SOX21: variants seen among roughly 807,000 people sequenced by gnomAD.
SOX21 encodes SRY-box transcription factor 21.
For missense variants in SOX21, 370 were observed against 388.8 expected, an observed-to-expected ratio of 0.95 and a Z score of 0.41; for synonymous variants, 237 against 189.7, an observed-to-expected ratio of 1.25 and a Z score of -2.05.
Position 94,711,274 on chromosome 13 carries a change from C to G in SOX21, c.776G>C (p.Gly259Ala). The change falls in exon 1 of 1, where the codon GGC (glycine) becomes GCC (alanine). Residue 259 changes from glycine (G) to alanine (A), a missense_variant. Coordinates refer to ENST00000376945, the MANE Select transcript of SOX21 (RefSeq NM_007084.4). ...GGGGTCCAGCTGGGGCTTGCCCATGCCCGGCAGCAGGATGTAGGCGAGCGG... is the reference window on the plus strand; with the variant it reads ...GGGGTCCAGCTGGGGCTTGCCCATGGCCGGCAGCAGGATGTAGGCGAGCGG... ...QPPLAYILLP[G>A]MGKPQLDPYP... The G allele has an allele frequency of 7.2e-7, 1 of 1,383,432 alleles. No homozygotes were observed. 85.7% of individuals were successfully genotyped at this position (1,383,432 alleles called of 1,614,324 possible). A position where few individuals can be genotyped will look rare whatever the true frequency, so the allele number is the denominator to read the frequency against.
rs764288521 is a variant in SOX21, at chr13:94,711,312, G to C, written c.738C>G (p.Pro246=). The C allele has an allele frequency of 6.8e-6, 9 of 1,325,952 alleles. No individual in the cohort carries two copies. Among genetic ancestry groups the C allele is most frequent in the Non-Finnish European group, 7.7e-6 (8 of 1,043,546 alleles). 82.1% of individuals were successfully genotyped at this position (1,325,952 alleles called of 1,614,324 possible). A position where few individuals can be genotyped will look rare whatever the true frequency, so the allele number is the denominator to read the frequency against. ...TGTAGGCGAGCGGCGGCTGCAGCCC[G>C]GGGCTGGGCCACGCGCTGCAGTTGC... ...IPCNCSAWPS[P]GLQPPLAYIL... is the part of the protein sequence containing the mutation. Residue 246 remains proline, a synonymous_variant, in exon 1 of 1, where the codon CCC becomes CCG. Transcript: ENST00000376945.
chr13:94,711,418 G>A lies in SOX21; in HGVS notation c.632C>T (p.Ala211Val), dbSNP rs1245617059. The A allele has an allele frequency of 1.1e-5, 8 of 726,780 alleles. No homozygotes were observed. The highest frequency in any genetic ancestry group is 1.4e-5 in the Non-Finnish European group (8 of 587,514). The allele number at this position is 726,780 out of a possible 1,614,324, so 45.0% of individuals were successfully genotyped here. A position where few individuals can be genotyped will look rare whatever the true frequency, so the allele number is the denominator to read the frequency against. The change falls in exon 1 of 1, where the codon GCG becomes GTG. Residue 211 changes from alanine to valine, a missense_variant. Transcript: ENST00000376945. ...GAGAFHGAAA[A>V]AAAAAAAAGG... Reference sequence around the variant, plus strand: ...GGCGGCGGCGGCCGCCGCTGCAGCCGCCGCCGCCGCGCCGTGGAAGGCGCC... The same window carrying A: ...GGCGGCGGCGGCCGCCGCTGCAGCCACCGCCGCCGCGCCGTGGAAGGCGCC...
Position 94,712,537 on chromosome 13 carries a change from G to A in SOX21, c.-488C>T. ...GTGCCAAAGGGGGCTCTCAGCGGCTGGAGTGTTTGGGTTCTCCTCGGTGAC... is the reference window on the plus strand; with the variant it reads ...GTGCCAAAGGGGGCTCTCAGCGGCTAGAGTGTTTGGGTTCTCCTCGGTGAC... On this transcript the variant is annotated 5_prime_UTR_variant, in exon 1 of 1. Coordinates refer to ENST00000376945, the MANE Select transcript of SOX21 (RefSeq NM_007084.4). The surrounding 1 kb of genome is among the most constrained non-coding windows in gnomAD (Gnocchi z 5.0). The A allele has an allele frequency of 1.0e-6, 1 of 987,272 alleles. No homozygotes were observed. Among genetic ancestry groups the A allele is most frequent in the South Asian group, 4.7e-5 (1 of 21,296 alleles). 61.2% of individuals were successfully genotyped at this position (987,272 alleles called of 1,614,324 possible).
In SOX21 at chr13:94,712,376, C is replaced by T. The variant is rs1375943654; in HGVS notation, c.-327G>A. On this transcript the variant is annotated 5_prime_UTR_variant, in exon 1 of 1. Transcript: ENST00000376945. This position sits in a 1 kb window ranked among gnomAD's most constrained non-coding sequence, Gnocchi z 5.0. ...CTGCAGTGGCGTTTGCTGGTGAGCTCCCCGCAGGTAGCGGCGGCCGGGCAG... is the reference window on the plus strand; with the variant it reads ...CTGCAGTGGCGTTTGCTGGTGAGCTTCCCGCAGGTAGCGGCGGCCGGGCAG... The T allele has an allele frequency of 2.9e-6, 3 of 1,041,708 alleles. No individual in the cohort carries two copies. The African/African-American group carries it at 5.1e-5, about 18-fold the overall frequency. 64.5% of individuals were successfully genotyped at this position (1,041,708 alleles called of 1,614,324 possible). A position where few individuals can be genotyped will look rare whatever the true frequency, so the allele number is the denominator to read the frequency against.
rs769011901 is a variant in SOX21 at position 94,711,567 on chromosome 13, G to T, written c.483C>A (p.Ala161=). The part of the protein sequence containing the change: ...PQSAAAAAAA[A]AAAAAGSPYS... ...AGGGGCTGCCCGCGGCGGCGGCGGCGGCGGCAGCGGCGGCGGCAGCGGCCG... is the reference window on the plus strand; with the variant it reads ...AGGGGCTGCCCGCGGCGGCGGCGGCTGCGGCAGCGGCGGCGGCAGCGGCCG... Residue 161 remains alanine (A), a synonymous_variant, in exon 1 of 1, where the codon GCC becomes GCA. Transcript: ENST00000376945. The T allele has an allele frequency of 2.1e-5, 21 of 999,004 alleles. No individual in the cohort carries two copies. The South Asian group carries it at 6.5e-4, about 31-fold the overall frequency. 61.9% of individuals were successfully genotyped at this position (999,004 alleles called of 1,614,324 possible). A position where few individuals can be genotyped will look rare whatever the true frequency, so the allele number is the denominator to read the frequency against.
Position 94,712,174 on chromosome 13 carries a change from C to T in SOX21, c.-125G>A, listed in dbSNP as rs1049768784. 6 of 1,385,498 alleles carry T rather than the reference C, an allele frequency of 4.3e-6. No homozygotes were observed. The highest frequency in any genetic ancestry group is 3.0e-5 in the East Asian group (1 of 33,628). The allele number at this position is 1,385,498 out of a possible 1,614,324, so 85.8% of individuals were successfully genotyped here. On this transcript the variant is annotated 5_prime_UTR_variant, in exon 1 of 1. Transcript: ENST00000376945. The surrounding 1 kb of genome is among the most constrained non-coding windows in gnomAD (Gnocchi z 5.0). ...GCCGGGGCTCGTCGCGCCCCGGCGTCGCTCCCGCCCCGGAGGAGGGGGCTG... is the reference window on the plus strand; with the variant it reads ...GCCGGGGCTCGTCGCGCCCCGGCGTTGCTCCCGCCCCGGAGGAGGGGGCTG...
chr13:94,712,123 G>T lies in SOX21; in HGVS notation c.-74C>A, dbSNP rs1307043050. On this transcript the variant is annotated 5_prime_UTR_variant, in exon 1 of 1. Coordinates refer to ENST00000376945, the MANE Select transcript of SOX21 (RefSeq NM_007084.4). This position sits in a 1 kb window ranked among gnomAD's most constrained non-coding sequence, Gnocchi z 5.0. ...CTCGGCCCGGAGGAAATCAATGTTG[G>T]CTGCCCGCGGAGACCCGCTCGGCCG... 1 of 1,516,416 alleles carries T rather than the reference G, an allele frequency of 6.6e-7. No homozygotes were observed. Among genetic ancestry groups the T allele is most frequent in the Non-Finnish European group, 8.8e-7 (1 of 1,134,488 alleles). The allele number at this position is 1,516,416 out of a possible 1,614,324, so 93.9% of individuals were successfully genotyped here.
Position 94,711,447 on chromosome 13 carries a change from G to T in SOX21, c.603C>A (p.Gly201=). Residue 201 remains glycine (G), a synonymous_variant, in exon 1 of 1, where the codon GGC becomes GGA. Coordinates refer to ENST00000376945, the MANE Select transcript of SOX21 (RefSeq NM_007084.4). ...YASSLGYPTA[G]AGAFHGAAAA... is the part of the protein sequence containing the mutation. ...CCGCCGCGCCGTGGAAGGCGCCCGC[G>T]CCCGCGGTCGGGTAGCCCAGCGACG... is the stretch of plus-strand genomic sequence containing the variant. 1 of 1,069,500 alleles carries T rather than the reference G, an allele frequency of 9.4e-7. No individual in the cohort carries two copies. The highest frequency in any genetic ancestry group is 4.3e-5 in the South Asian group (1 of 23,506). 66.3% of individuals were successfully genotyped at this position (1,069,500 alleles called of 1,614,324 possible). A position where few individuals can be genotyped will look rare whatever the true frequency, so the allele number is the denominator to read the frequency against.
Position 94,711,442 on chromosome 13 carries a change from C to T in SOX21, c.608G>A (p.Gly203Asp). 3.0e-6 allele frequency: 3 copies of T among 1,003,324 alleles called. No individual in the cohort carries two copies. The highest frequency in any genetic ancestry group is 3.6e-6 in the Non-Finnish European group (3 of 834,264). The allele number at this position is 1,003,324 out of a possible 1,614,324, so 62.2% of individuals were successfully genotyped here. The change falls in exon 1 of 1, where the codon GGC (glycine) becomes GAC (aspartate). Residue 203 changes from glycine (G) to aspartate (D), a missense_variant. Physicochemically the swap from Gly to Asp is moderately conservative, Grantham distance 94. Transcript: ENST00000376945. Reference protein sequence around the residue: ...SSLGYPTAGAGAFHGAAAAAA... With the variant: ...SSLGYPTAGADAFHGAAAAAA... ...CGCCGCCGCCGCGCCGTGGAAGGCG[C>T]CCGCGCCCGCGGTCGGGTAGCCCAG...
chr13:94,711,276 C>G lies in SOX21; in HGVS notation c.774G>C (p.Pro258=), dbSNP rs763377265. ...LQPPLAYILL[P]GMGKPQLDPY... is the part of the protein sequence containing the mutation. ...GGTCCAGCTGGGGCTTGCCCATGCC[C>G]GGCAGCAGGATGTAGGCGAGCGGCG... Residue 258 remains proline, a synonymous_variant, in exon 1 of 1, where the codon CCG becomes CCC. Transcript: ENST00000376945. 1 of 1,383,090 alleles carries G rather than the reference C, an allele frequency of 7.2e-7. No homozygotes were observed. Among genetic ancestry groups the G allele is most frequent in the Non-Finnish European group, 9.3e-7 (1 of 1,073,236 alleles). 85.7% of individuals were successfully genotyped at this position (1,383,090 alleles called of 1,614,324 possible). A position where few individuals can be genotyped will look rare whatever the true frequency, so the allele number is the denominator to read the frequency against.
Position 94,711,801 on chromosome 13 carries a change from G to A in SOX21, c.249C>T (p.Pro83=). 2 of 1,613,784 alleles carry A rather than the reference G, an allele frequency of 1.2e-6. No individual in the cohort carries two copies. The highest frequency in any genetic ancestry group is 1.7e-6 in the Non-Finnish European group (2 of 1,179,886). ...PDYKYRPRRK[P]KTLLKKDKFA... The stretch of plus-strand genomic sequence containing the variant: ...ACTTGTCCTTCTTGAGCAGCGTCTT[G>A]GGCTTGCGCCGCGGCCGGTACTTGT... Residue 83 remains proline (P), a synonymous_variant, in exon 1 of 1, where the codon CCC becomes CCT. Coordinates refer to ENST00000376945, the MANE Select transcript of SOX21 (RefSeq NM_007084.4).
Position 94,711,366 on chromosome 13 carries a change from G to A in SOX21, c.684C>T (p.Ser228=), listed in dbSNP as rs1426092795. The change falls in exon 1 of 1, where the codon AGC becomes AGT. Residue 228 remains serine (S), a synonymous_variant. Transcript: ENST00000376945. The stretch of plus-strand genomic sequence containing the variant: ...GGATCATGTAGCCCGGGTTGCCCGG[G>A]CTGGGGTGCGAGTGCGTGTGCCCCC... ...AAGGHTHSHP[S]PGNPGYMIPC... 8.0e-6 allele frequency: 10 copies of A among 1,255,476 alleles called. No individual in the cohort carries two copies. Among genetic ancestry groups the A allele is most frequent in the South Asian group, 3.7e-5 (1 of 26,786 alleles). 77.8% of individuals were successfully genotyped at this position (1,255,476 alleles called of 1,614,324 possible). A position where few individuals can be genotyped will look rare whatever the true frequency, so the allele number is the denominator to read the frequency against.
At position 94,711,143 on chromosome 13, in the gene SOX21, C is replaced by A. The variant is rs1875222818; in HGVS notation, c.*76G>T. ...GGGCCCCCGGTCGCGGGAGGGCGCA[C>A]GGGGAGGCCGCAGCGCTCGTACCTA... On this transcript the variant is annotated 3_prime_UTR_variant, in exon 1 of 1. Coordinates refer to ENST00000376945, the MANE Select transcript of SOX21 (RefSeq NM_007084.4). The A allele has an allele frequency of 2.5e-6, 3 of 1,215,464 alleles. No individual in the cohort carries two copies. Among genetic ancestry groups the A allele is most frequent in the East Asian group, 6.4e-5 (2 of 31,410 alleles). 75.3% of individuals were successfully genotyped at this position (1,215,464 alleles called of 1,614,324 possible). A position where few individuals can be genotyped will look rare whatever the true frequency, so the allele number is the denominator to read the frequency against.
At position 94,711,451 on chromosome 13, in the gene SOX21, G is replaced by T. The variant is rs1323644908; in HGVS notation, c.599C>A (p.Ala200Glu). The T allele has an allele frequency of 1.2e-5, 14 of 1,122,944 alleles. No homozygotes were observed. The East Asian group carries it at 3.9e-4, about 31-fold the overall frequency. The allele number at this position is 1,122,944 out of a possible 1,614,324, so 69.6% of individuals were successfully genotyped here. Residue 200 changes from alanine to glutamate, a missense_variant, in exon 1 of 1, where the codon GCG becomes GAG. By Grantham distance (107) the Ala-to-Glu change is moderately radical. Coordinates refer to ENST00000376945, the MANE Select transcript of SOX21 (RefSeq NM_007084.4). ...PYASSLGYPT[A>E]GAGAFHGAAA... Reference sequence around the variant, plus strand: ...CGCGCCGTGGAAGGCGCCCGCGCCCGCGGTCGGGTAGCCCAGCGACGACGC... The same window carrying T: ...CGCGCCGTGGAAGGCGCCCGCGCCCTCGGTCGGGTAGCCCAGCGACGACGC...
In SOX21 at chr13:94,711,240, C is replaced by T. The variant is rs776968288; in HGVS notation, c.810G>A (p.Ala270=). 1 of 1,360,666 alleles carries T rather than the reference C, an allele frequency of 7.3e-7. No individual in the cohort carries two copies. Among genetic ancestry groups the T allele is most frequent in the Admixed American group, 3.6e-5 (1 of 27,754 alleles). 84.3% of individuals were successfully genotyped at this position (1,360,666 alleles called of 1,614,324 possible). ...GGGGTCATAGCGCGGCAGCGTAGGC[C>T]GCGGGGTAGGGGTCCAGCTGGGGCT... ...MGKPQLDPYP[A]AYAAAL Residue 270 remains alanine, a synonymous_variant, in exon 1 of 1, where the codon GCG becomes GCA. Transcript: ENST00000376945.
rs1159989945 is a variant in SOX21 at position 94,711,249 on chromosome 13, G to C, written c.801C>G (p.Pro267=). 8 of 1,372,618 alleles carry C rather than the reference G, an allele frequency of 5.8e-6. No homozygotes were observed. The highest frequency in any genetic ancestry group is 7.5e-6 in the Non-Finnish European group (8 of 1,068,266). 85.0% of individuals were successfully genotyped at this position (1,372,618 alleles called of 1,614,324 possible). ...LPGMGKPQLD[P]YPAAYAAAL ...GCGCGGCAGCGTAGGCCGCGGGGTA[G>C]GGGTCCAGCTGGGGCTTGCCCATGC... The change falls in exon 1 of 1, where the codon CCC becomes CCG. Residue 267 remains proline (P), a synonymous_variant. Transcript: ENST00000376945.
rs537368323 is a variant in SOX21 at position 94,712,102 on chromosome 13, G to A, written c.-53C>T. ...GCCGCCTCCCGGGCCCTCGCCCTCG[G>A]CCCGGAGGAAATCAATGTTGGCTGC... On this transcript the variant is annotated 5_prime_UTR_variant, in exon 1 of 1. Coordinates refer to ENST00000376945, the MANE Select transcript of SOX21 (RefSeq NM_007084.4). This position sits in a 1 kb window ranked among gnomAD's most constrained non-coding sequence, Gnocchi z 5.0. 1.3e-4 allele frequency: 210 copies of A among 1,565,818 alleles called. No individual in the cohort carries two copies. Among genetic ancestry groups the A allele is most frequent in the Non-Finnish European group, 1.8e-4 (203 of 1,156,432 alleles).
Position 94,712,480 on chromosome 13 carries a change from G to C in SOX21, c.-431C>G. ...TGCGTCGCGGAGACTCCTCGAAGTT[G>C]AGCCGAGGAGCCCGCCGCCGCGTGC... On this transcript the variant is annotated 5_prime_UTR_variant, in exon 1 of 1. Coordinates refer to ENST00000376945, the MANE Select transcript of SOX21 (RefSeq NM_007084.4). This position sits in a 1 kb window ranked among gnomAD's most constrained non-coding sequence, Gnocchi z 5.0. The C allele has an allele frequency of 1.0e-6, 1 of 986,842 alleles. No individual in the cohort carries two copies. Among genetic ancestry groups the C allele is most frequent in the Non-Finnish European group, 1.2e-6 (1 of 831,590 alleles). 61.1% of individuals were successfully genotyped at this position (986,842 alleles called of 1,614,324 possible).
chr13:94,711,773 C>A lies in SOX21; in HGVS notation c.277G>T (p.Ala93Ser). Residue 93 changes from alanine to serine, a missense_variant, in exon 1 of 1, where the codon GCC becomes TCC. Transcript: ENST00000376945. ...CCCAGGCCGTAGGGCACCGGGAAGG[C>A]GAACTTGTCCTTCTTGAGCAGCGTC... ...PKTLLKKDKF[A>S]FPVPYGLGGV... 6.2e-7 allele frequency: 1 copy of A among 1,613,338 alleles called. No homozygotes were observed. Among genetic ancestry groups the A allele is most frequent in the Non-Finnish European group, 8.5e-7 (1 of 1,179,758 alleles).
Sources: gnomAD v4.1 joint callset for allele counts on GRCh38, gnomAD v4.1.1 for gene constraint, Gnocchi (gnomAD v3.1) non-coding constraint, MANE v1.5 for transcripts, NCBI Gene and HGNC (gene_info 2026-07-23, HGNC 2026-07-21) for gene names.